The following TENM3 variants were observed in gnomAD, a reference collection of about 807,000 sequenced individuals.
TENM3 encodes the protein teneurin-3.
Under a neutral mutation model 255.1 loss-of-function variants are expected in TENM3, and 63 were observed. That is an observed-to-expected ratio of 0.25 (90% CI 0.20 to 0.30). The LOEUF (loss-of-function observed/expected upper bound fraction) is 0.30. Ranked by LOEUF, TENM3 falls within the 10% of genes least tolerant of loss-of-function variation. The pLI is 1.00. For missense variants in TENM3, 2,929 were observed against 3,461.1 expected, an observed-to-expected ratio of 0.85 and a Z score of 3.86; for synonymous variants, 1,306 against 1,322.3, an observed-to-expected ratio of 0.99 and a Z score of 0.27.
At chr4:181,979,007 A>C in the TENM3 span, among the ~76,000 whole-genome samples, 3 of 148,368 alleles carry the variant, frequency 2.0e-5, no homozygotes, top group Non-Finnish European at 1.5e-5. Context: ...TATCTGTAAA[A>C]GGAGAAATAT....
chr4:182,239,429 C>T (rs890334282), upstream of TENM3, among the ~76,000 whole-genome samples: 3 of 152,100 alleles, frequency 2.0e-5, no homozygotes, highest in African/African-American at 7.2e-5. Flanking sequence ...GCTTCTGCTC[C>T]TTTCATTGCT....
the TENM3 span, among the ~76,000 whole-genome samples, chr4:181,959,356 G>A: frequency 6.6e-6 from 1 of 152,144 alleles, no homozygotes; most frequent in Admixed American, 6.5e-5. Context: ...GCTGGGGGCA[G>A]CCTCTGTTTG....
At chr4:182,399,129 A>C (rs994822074) in intron 3 of TENM3, among the ~76,000 whole-genome samples, 7 of 152,236 alleles carry the variant, frequency 4.6e-5, no homozygotes, top group Non-Finnish European at 8.8e-5. Context: ...AAATCATTAC[A>C]TACAATCCGT....
chr4:182,181,785 G>A (rs972688207), intron 1 of TENM3, among the ~76,000 whole-genome samples: 1 of 151,984 alleles, frequency 6.6e-6, no homozygotes, highest in Admixed American at 6.6e-5. Context: ...TACTTTCATA[G>A]TGCATTTGGT....
At chr4:181,934,256 C>G in the TENM3 span, among the ~76,000 whole-genome samples, 1 of 152,214 alleles carries the variant, frequency 6.6e-6, no homozygotes, top group African/African-American at 2.4e-5. Context: ...TGACTTGAGT[C>G]TGTACAGTGC....
At chr4:181,505,530 A>T in the TENM3 span, among the ~76,000 whole-genome samples, 3 of 152,166 alleles carry the variant, frequency 2.0e-5, no homozygotes, top group African/African-American at 7.2e-5. Context: ...ATTTGCAGTG[A>T]TACACCGCAG....
intron 3 of TENM3, among the ~76,000 whole-genome samples, chr4:182,591,183 C>G (rs1027101035): frequency 6.6e-6 from 1 of 151,802 alleles, no homozygotes; most frequent in Admixed American, 6.6e-5. Flanking sequence ...AGGAAGTTGG[C>G]AGTTAGGTAA....
chr4:181,640,978 A>T, the TENM3 span, among the ~76,000 whole-genome samples: 2 of 152,192 alleles, frequency 1.3e-5, no homozygotes, highest in South Asian at 2.1e-4. Context: ...CTATTTCTTC[A>T]AAAAAGACTA....
chr4:181,535,595 G>C, the TENM3 span, among the ~76,000 whole-genome samples: 2 of 152,184 alleles, frequency 1.3e-5, no homozygotes, highest in East Asian at 3.9e-4. Context: ...GTAAAAGGTA[G>C]ATTCTTTATA....
chr4:182,014,350 C>T, the TENM3 span, among the ~76,000 whole-genome samples: 6 of 151,770 alleles, frequency 4.0e-5, no homozygotes, highest in East Asian at 1.9e-4. Context: ...CCTATGGTGA[C>T]GTCACTAATC....
chr4:182,686,767 T>A (rs750651733), intron 11 of TENM3, among the ~76,000 whole-genome samples: 14 of 152,144 alleles, frequency 9.2e-5, no homozygotes, highest in Admixed American at 2.0e-4. Flanking sequence ...TGCTAAATGC[T>A]GATAAACACC....
intron 1 of TENM3, among the ~76,000 whole-genome samples, chr4:182,221,830 T>G (rs1463416368): frequency 6.6e-6 from 1 of 152,252 alleles, no homozygotes. Context: ...ACATATTGTA[T>G]GCAAATGTCA....
chr4:182,100,482 C>CATAT, the TENM3 span, among the ~76,000 whole-genome samples: 5 of 121,336 alleles, frequency 4.1e-5, no homozygotes, highest in East Asian at 6.6e-4. Flanking sequence ...CACACACACA[C>CATAT]ATATATATAT....
At chr4:181,498,622 C>T in the TENM3 span, among the ~76,000 whole-genome samples, 56 of 152,272 alleles carry the variant, frequency 3.7e-4, no homozygotes, top group African/African-American at 1.3e-3. Context: ...GTTGCTCCAG[C>T]GTTTAGAGTC....
chr4:181,947,933 C>T, the TENM3 span, among the ~76,000 whole-genome samples: 292 of 152,204 alleles, frequency 1.9e-3, no homozygotes, highest in African/African-American at 6.5e-3. Flanking sequence ...ACAAACCGGC[C>T]GGCTTTCAAT....
intron 4 of TENM3, among the ~76,000 whole-genome samples, chr4:182,621,812 A>ATATAATATATATAT (rs1487722479): frequency 1.0e-3 from 1 of 974 alleles, no homozygotes; most frequent in African/African-American, 1.1e-3. Context: ...TATATATATT[A>ATATAATATATATAT]TATATATATA....
the TENM3 span, among the ~76,000 whole-genome samples, chr4:181,568,114 G>A: frequency 6.7e-6 from 1 of 149,270 alleles, no homozygotes; most frequent in African/African-American, 2.5e-5. Flanking sequence ...TTTAGAGCCT[G>A]TTTTCTCCAT....
intron 3 of TENM3, among the ~76,000 whole-genome samples, chr4:182,381,702 C>T (rs564847222): frequency 7.9e-5 from 12 of 152,174 alleles, no homozygotes; most frequent in Non-Finnish European, 1.2e-4. Flanking sequence ...GCTGGGATTA[C>T]GGGCCTGCAC....
chr4:182,628,683 C>A lies in TENM3; in HGVS notation c.782C>A (p.Thr261Lys). The change falls in exon 5 of 28, where the codon ACG (threonine) becomes AAG (lysine). Residue 261 changes from threonine (T) to lysine (K), a missense_variant. Physicochemically the swap from Thr to Lys is moderately conservative, Grantham distance 78 (BLOSUM62 -1). Coordinates refer to ENST00000511685, the MANE Select transcript of TENM3 (RefSeq NM_001080477.4). ...CTATTCAAAACAGGAACAGGTACAA[C>A]GCCACTGTTCAGTACTGCAACCCCA... ...HFLFKTGTGT[T>K]PLFSTATPGY... The A allele has an allele frequency of 2.5e-6, 4 of 1,600,696 alleles. No homozygotes were observed. The highest frequency in any genetic ancestry group is 3.4e-6 in the Non-Finnish European group (4 of 1,173,102).
Sources: gnomAD v4.1 joint callset for allele counts (sites outside exome capture counted in the v4.1 genomes callset) on GRCh38, gnomAD v4.1.1 for gene constraint, MANE v1.5 for transcripts, NCBI Gene and HGNC (gene_info 2026-07-23, HGNC 2026-07-21) for gene names.